The following ROCK1 variants were observed in gnomAD, a reference collection of about 807,000 sequenced individuals.
ROCK1 encodes Rho associated coiled-coil containing protein kinase 1, also known as rho-associated protein kinase 1.
In ROCK1, 36 loss-of-function variants were observed where a neutral mutation model predicts 196.8. That is an observed-to-expected ratio of 0.18 (90% CI 0.14 to 0.24). The LOEUF is 0.24. Among genes scored for constraint, ROCK1 ranks in the 10% least tolerant of loss-of-function variants. The pLI is 1.00. For synonymous variants in ROCK1, 443 were observed against 515.9 expected (o/e 0.86, Z 1.91); for missense variants, 920 against 1,562.0 (o/e 0.59, Z 6.93).
chr18:20,964,023 G>A (rs2035350560), intron 27 of ROCK1, among the ~76,000 whole-genome samples: 1 of 152,012 alleles, frequency 6.6e-6, no homozygotes, highest in Non-Finnish European at 1.5e-5. Flanking sequence ...GATTCATAGA[G>A]GCTGCGTTCT....
At position 21,006,657 on chromosome 18, in the gene ROCK1, T is replaced by G. The variant is rs547710091; in HGVS notation, c.1638+42A>C. ...ACCAAAGTACGATATAATTTAATTA[T>G]CTACAATTTTTTTAAAAAGGAACCT... On this transcript the variant is annotated intron_variant, in intron 15 of 32. Coordinates refer to ENST00000399799, the MANE Select transcript of ROCK1 (RefSeq NM_005406.3). The G allele has an allele frequency of 1.8e-5, 28 of 1,582,278 alleles. No individual in the cohort carries two copies. The South Asian group carries it at 3.2e-4, about 18-fold the overall frequency.
intron 1 of ROCK1, among the ~76,000 whole-genome samples, chr18:21,071,697 G>C (rs1449453185): frequency 6.6e-6 from 1 of 152,078 alleles, no homozygotes; most frequent in Non-Finnish European, 1.5e-5. Context: ...CTATGGAAAA[G>C]AATGGTTTTT....
In ROCK1 at chr18:21,015,841, A is replaced by G. The variant is rs1011834513; in HGVS notation, c.1362-362T>C. 3.3e-5 allele frequency among the ~76,000 whole-genome samples: 5 copies of G among 151,808 alleles called. 1 individual carries two copies. Among genetic ancestry groups the G allele is most frequent in the Admixed American group, 1.3e-4 (2 of 15,210 alleles). On this transcript the variant is annotated intron_variant, in intron 12 of 32. Transcript: ENST00000399799. ...TAAAAAAAAAAAAAATTAGCAAGGCATGGTGGCGGGCGCCTGTAATCCCAG... is the reference window on the plus strand; with the variant it reads ...TAAAAAAAAAAAAAATTAGCAAGGCGTGGTGGCGGGCGCCTGTAATCCCAG...
At chr18:21,027,093 G>A (rs1254945755) in intron 10 of ROCK1, among the ~76,000 whole-genome samples, 6 of 151,816 alleles carry the variant, frequency 4.0e-5, no homozygotes, top group South Asian at 2.1e-4. Context: ...CATACGCCAC[G>A]ACACCTGGCT....
chr18:21,002,709 AG>A (rs2035735394), intron 16 of ROCK1, among the ~76,000 whole-genome samples: 1 of 152,086 alleles, frequency 6.6e-6, no homozygotes, highest in Non-Finnish European at 1.5e-5. Flanking sequence ...CACCACAAAA[AG>A]ATACAGCCAG....
chr18:21,039,712 C>A, intron 8 of ROCK1, 149 bp from the exon 9 acceptor site: 1 of 554,586 alleles, frequency 1.8e-6, no homozygotes, highest in South Asian at 2.8e-5. Context: ...AGTATCAGCC[C>A]AAATAGAAAA....
In ROCK1 at chr18:20,949,575, T is replaced by C. The variant is rs1246878712; in HGVS notation, c.*1809A>G. 2.0e-5 allele frequency: 3 copies of C among 152,250 alleles called. No homozygotes were observed. Among genetic ancestry groups the C allele is most frequent in the Non-Finnish European group, 4.4e-5 (3 of 68,046 alleles). 9.4% of individuals were successfully genotyped at this position (152,250 alleles called of 1,614,324 possible). On this transcript the variant is annotated 3_prime_UTR_variant, in exon 33 of 33. Coordinates refer to ENST00000399799, the MANE Select transcript of ROCK1 (RefSeq NM_005406.3). Reference sequence around the variant, plus strand: ...AACTCTATCTTCCAAGGCTGTTTACTACATAAATATCCTTGGAAAAGATAG... The same window carrying C: ...AACTCTATCTTCCAAGGCTGTTTACCACATAAATATCCTTGGAAAAGATAG...
rs368243440 is a variant in ROCK1, at chr18:20,992,861, C to G, written c.1962G>C (p.Glu654Asp). 32 of 1,609,158 alleles carry G rather than the reference C, an allele frequency of 2.0e-5. No individual in the cohort carries two copies. Among genetic ancestry groups the G allele is most frequent in the Non-Finnish European group, 2.5e-5 (29 of 1,176,222 alleles). Residue 654 changes from glutamate (E) to aspartate (D), a missense_variant, in exon 17 of 33, where the codon GAG becomes GAC. Around this residue, in one of 6 missense-constraint regions of ROCK1, gnomAD observed 520 missense variants for 657.1 expected, o/e 0.79. Coordinates refer to ENST00000399799, the MANE Select transcript of ROCK1 (RefSeq NM_005406.3). ...CTGAGTGATTAAGCATGTCTTGAGC[C>G]TCTTTTCTTTCTCCTTCCACTTTTT... ...NLEKVEGERK[E>D]AQDMLNHSEK... is the part of the protein sequence containing the mutation.
chr18:21,036,293 A>G (rs1446586037), intron 9 of ROCK1, among the ~76,000 whole-genome samples: 2 of 152,190 alleles, frequency 1.3e-5, no homozygotes, highest in South Asian at 2.1e-4. Flanking sequence ...TGTGTACACA[A>G]TGAGTTTTGA....
At chr18:20,958,582 T>C (rs1047121145) in intron 29 of ROCK1, among the ~76,000 whole-genome samples, 2 of 151,656 alleles carry the variant, frequency 1.3e-5, no homozygotes, top group Non-Finnish European at 2.9e-5. Context: ...AGAACAGATA[T>C]ATTTATATTT....
chr18:21,063,066 C>T (rs1355740990), intron 2 of ROCK1, among the ~76,000 whole-genome samples: 1 of 152,064 alleles, frequency 6.6e-6, no homozygotes, highest in Non-Finnish European at 1.5e-5. Flanking sequence ...GGGCATCTGG[C>T]AAGGGTCATT....
chr18:20,967,649 T>C, intron 26 of ROCK1, 103 bp downstream of exon 26: 1 of 911,272 alleles, frequency 1.1e-6, no homozygotes, highest in Non-Finnish European at 1.6e-6. Flanking sequence ...GAACCCTTGA[T>C]TGTTCCCAAT....
chr18:20,989,758 T>C (rs545150240), intron 18 of ROCK1, among the ~76,000 whole-genome samples: 20 of 152,186 alleles, frequency 1.3e-4, no homozygotes, highest in African/African-American at 3.6e-4. Context: ...ACAGTGAAGA[T>C]AATGAAGACA....
At chr18:21,023,832 A>G in intron 10 of ROCK1, 152 bp from the exon 11 acceptor site, 1 of 438,314 alleles carries the variant, frequency 2.3e-6, no homozygotes, top group Non-Finnish European at 4.1e-6. Context: ...TTTTATAAAC[A>G]TAATTCAGAA....
intron 2 of ROCK1, among the ~76,000 whole-genome samples, chr18:21,051,990 T>C (rs1222846209): frequency 6.6e-6 from 1 of 152,224 alleles, no homozygotes; most frequent in Non-Finnish European, 1.5e-5. Context: ...TTAAGAGTAT[T>C]GTAATACCCC....
intron 1 of ROCK1, among the ~76,000 whole-genome samples, chr18:21,078,085 T>C (rs532449242): frequency 2.4e-4 from 37 of 152,118 alleles, no homozygotes; most frequent in Non-Finnish European, 3.7e-4. Context: ...TCCCAGCACT[T>C]TGGGAGGCCA....
At chr18:20,997,636 G>A (rs1444115523) in intron 16 of ROCK1, among the ~76,000 whole-genome samples, 1 of 151,902 alleles carries the variant, frequency 6.6e-6, no homozygotes, top group South Asian at 2.1e-4. Flanking sequence ...AGACCAAATG[G>A]GACCTCATAA....
chr18:21,094,722 C>T (rs1351038399), intron 1 of ROCK1, among the ~76,000 whole-genome samples: 1 of 148,336 alleles, frequency 6.7e-6, no homozygotes, highest in Non-Finnish European at 1.5e-5. Context: ...GAACTCCAGC[C>T]TGGGCAACAA....
chr18:21,007,957 T>C, intron 14 of ROCK1, 102 bp downstream of exon 14: 1 of 753,978 alleles, frequency 1.3e-6, no homozygotes, highest in Non-Finnish European at 1.9e-6. Context: ...ATAAAGTGTC[T>C]TAGGATTGTA....
Sources: gnomAD v4.1 joint callset for allele counts (sites outside exome capture counted in the v4.1 genomes callset) on GRCh38, gnomAD v4.1.1 for gene constraint, gnomAD v4.1.1 regional missense constraint, MANE v1.5 for transcripts, NCBI Gene and HGNC (gene_info 2026-07-23, HGNC 2026-07-21) for gene names.